The following GALNT18 variants were observed in gnomAD, a reference collection of about 807,000 sequenced individuals.
The protein encoded by GALNT18 is polypeptide N-acetylgalactosaminyltransferase 18.
In GALNT18, 44 loss-of-function variants were observed where a neutral mutation model predicts 69.5. That is an observed-to-expected ratio of 0.63 (90% confidence interval 0.50 to 0.81). The LOEUF is 0.81. GALNT18 is among the 40% of genes least tolerant of loss of function. The pLI is 0.00. For missense variants in GALNT18, 715 were observed against 810.0 expected (o/e 0.88, Z 1.42); for synonymous variants, 364 against 318.2 (o/e 1.14, Z -1.53).
chr11:11,370,405 T>G (rs1267532939), intron 6 of GALNT18, among the ~76,000 whole-genome samples: 2 of 152,088 alleles, frequency 1.3e-5, no homozygotes, highest in Non-Finnish European at 2.9e-5. Context: ...AGAAAATCTG[T>G]TTTGCTGACG....
intron 1 of GALNT18, among the ~76,000 whole-genome samples, chr11:11,593,753 AC>A (rs1190117977): frequency 6.6e-6 from 1 of 152,132 alleles, no homozygotes; most frequent in African/African-American, 2.4e-5. Context: ...ACACAGCAAG[AC>A]CCCATTTCTA....
At chr11:11,385,140 C>T (rs1311447144) in intron 3 of GALNT18, among the ~76,000 whole-genome samples, 1 of 151,928 alleles carries the variant, frequency 6.6e-6, no homozygotes, top group African/African-American at 2.4e-5. Context: ...AGTGGGGAGG[C>T]ACCAGGCTCT....
intron 6 of GALNT18, chr11:11,352,596 T>G: frequency 6.2e-7 from 1 of 1,614,172 alleles, no homozygotes; most frequent in East Asian, 2.2e-5. Context: ...CAAACCCCAG[T>G]CTATTAGTCG....
rs1859560275 is a variant in GALNT18 at position 11,598,696 on chromosome 11, T to G, written c.235+22663A>C. 6.6e-6 allele frequency among the ~76,000 whole-genome samples: 1 copy of G among 152,184 alleles called. No individual in the cohort carries two copies. The highest frequency in any genetic ancestry group is 1.5e-5 in the Non-Finnish European group (1 of 68,030). ...TGTCAACCTATCACAGCTAGGTAAT[T>G]AAGATATTTTTTCTTTTTCAATATA... On this transcript the variant is annotated intron_variant, in intron 1 of 10. Transcript: ENST00000227756. This position sits in a 1 kb window ranked among gnomAD's most constrained non-coding sequence, Gnocchi z 4.8.
At chr11:11,369,373 C>A (rs1164828771) in intron 6 of GALNT18, among the ~76,000 whole-genome samples, 1 of 152,194 alleles carries the variant, frequency 6.6e-6, no homozygotes, top group Admixed American at 6.5e-5. Flanking sequence ...TGTTCCTGAG[C>A]TTTTGACATC....
In GALNT18 at chr11:11,323,914, T is replaced by C. The variant is rs115135427; in HGVS notation, c.1512+3172A>G. Among the ~76,000 whole-genome samples the C allele has an allele frequency of 5.8e-3, 885 of 152,280 alleles. 11 individuals are homozygous for C. Among genetic ancestry groups the C allele is most frequent in the African/African-American group, 0.02 (820 of 41,560 alleles). ...TTTTTCAGAAAGAGCTTTCTCAGTTTTTTGCAACATGGATAGGCTGATAAT... is the reference window on the plus strand; with the variant it reads ...TTTTTCAGAAAGAGCTTTCTCAGTTCTTTGCAACATGGATAGGCTGATAAT... On this transcript the variant is annotated intron_variant, in intron 9 of 10. Transcript: ENST00000227756.
At chr11:11,485,864 T>G (rs1856633289) in intron 1 of GALNT18, among the ~76,000 whole-genome samples, 1 of 152,214 alleles carries the variant, frequency 6.6e-6, no homozygotes, top group Non-Finnish European at 1.5e-5. Flanking sequence ...GGCCAGCAGA[T>G]GCTTTCAGAA....
chr11:11,407,546 C>G (rs11021835), intron 3 of GALNT18, among the ~76,000 whole-genome samples: 1 of 151,970 alleles, frequency 6.6e-6, no homozygotes, highest in Non-Finnish European at 1.5e-5. Flanking sequence ...TATTCAGAAA[C>G]AGCACTGCGG....
Position 11,621,505 on chromosome 11 carries a change from C to A in GALNT18, c.89G>T (p.Gly30Val), listed in dbSNP as rs1860192669. The A allele has an allele frequency of 6.2e-7, 1 of 1,614,138 alleles. No individual in the cohort carries two copies. Among genetic ancestry groups the A allele is most frequent in the Non-Finnish European group, 8.5e-7 (1 of 1,180,030 alleles). ...GCTGGCGATGTAGTTGGTGACCCAGCCCACGTAGAGCAGGCAGATGATGTT... is the reference window on the plus strand; with the variant it reads ...GCTGGCGATGTAGTTGGTGACCCAGACCACGTAGAGCAGGCAGATGATGTT... ...MTNIICLLYV[G>V]WVTNYIASVY... The change falls in exon 1 of 11, where the codon GGC becomes GTC. Residue 30 changes from glycine (G) to valine (V), a missense_variant. Coordinates refer to ENST00000227756, the MANE Select transcript of GALNT18 (RefSeq NM_198516.3). This position sits in a 1 kb window ranked among gnomAD's most constrained non-coding sequence, Gnocchi z 9.3.
chr11:11,315,038 A>ATG lies in GALNT18; in HGVS notation c.1512+12046_1512+12047dup, dbSNP rs10537962. 0.23 allele frequency among the ~76,000 whole-genome samples: 34,412 copies of ATG among 150,080 alleles called. 4,286 individuals carry two copies. The highest frequency in any genetic ancestry group is 0.47 in the East Asian group (2,362 of 5,072). On this transcript the variant is annotated intron_variant, in intron 9 of 10. Coordinates refer to ENST00000227756, the MANE Select transcript of GALNT18 (RefSeq NM_198516.3). The surrounding 1 kb of genome is among the most constrained non-coding windows in gnomAD (Gnocchi z 5.6). ...GCAGAGATGGACACATACTAATTATATGTGTGTGTGTGTGTGTGTGTGTGT... is the reference window on the plus strand; with the variant it reads ...GCAGAGATGGACACATACTAATTATATGTGTGTGTGTGTGTGTGTGTGTGTGT...
chr11:11,286,184 G>A (rs1482577690), intron 10 of GALNT18, among the ~76,000 whole-genome samples: 1 of 152,184 alleles, frequency 6.6e-6, no homozygotes, highest in Non-Finnish European at 1.5e-5. Flanking sequence ...ATGAAATACA[G>A]TCTCAACACC....
chr11:11,509,736 A>AG (rs920104889), intron 1 of GALNT18, among the ~76,000 whole-genome samples: 1 of 152,272 alleles, frequency 6.6e-6, no homozygotes, highest in African/African-American at 2.4e-5. Context: ...CAGAGAGCAG[A>AG]GGACTGGCCA....
At chr11:11,608,461 G>A (rs1859807219) in intron 1 of GALNT18, among the ~76,000 whole-genome samples, 1 of 152,010 alleles carries the variant, frequency 6.6e-6, no homozygotes, top group Non-Finnish European at 1.5e-5. Flanking sequence ...CCAGGTTCAA[G>A]CAATTCTCCT....
At position 11,415,619 on chromosome 11, in the gene GALNT18, T is replaced by G. The variant is rs750938901; in HGVS notation, c.595+17002A>C. On this transcript the variant is annotated intron_variant, in intron 3 of 10. Transcript: ENST00000227756. The surrounding 1 kb of genome is among the most constrained non-coding windows in gnomAD (Gnocchi z 4.1). Reference sequence around the variant, plus strand: ...TGGCCACCATCTTGCAGTGAGAACTTTGGTGACTCAGCTCCTATGGTTCTC... The same window carrying G: ...TGGCCACCATCTTGCAGTGAGAACTGTGGTGACTCAGCTCCTATGGTTCTC... Among the ~76,000 whole-genome samples the G allele has an allele frequency of 6.6e-6, 1 of 152,098 alleles. No individual in the cohort carries two copies. Among genetic ancestry groups the G allele is most frequent in the Non-Finnish European group, 1.5e-5 (1 of 68,026 alleles).
At chr11:11,352,928 T>G in intron 6 of GALNT18, 1 of 1,614,196 alleles carries the variant, frequency 6.2e-7, no homozygotes, top group Non-Finnish European at 8.5e-7. Context: ...TAACAACAAC[T>G]TTTTCATTAT....
chr11:11,370,636 T>C (rs1421028803), intron 6 of GALNT18, among the ~76,000 whole-genome samples: 1 of 151,430 alleles, frequency 6.6e-6, no homozygotes, highest in East Asian at 1.9e-4. Context: ...TCAAACTCTG[T>C]ACACGAAACC....
At chr11:11,355,387 G>C (rs1337873586) in intron 6 of GALNT18, among the ~76,000 whole-genome samples, 1 of 152,062 alleles carries the variant, frequency 6.6e-6, no homozygotes, top group Non-Finnish European at 1.5e-5. Context: ...GACTATATTG[G>C]AGATGGGGCA....
At chr11:11,471,667 C>T (rs145369638) in intron 1 of GALNT18, among the ~76,000 whole-genome samples, 46 of 152,260 alleles carry the variant, frequency 3.0e-4, no homozygotes, top group Non-Finnish European at 5.6e-4. Flanking sequence ...AAATAAGAAC[C>T]CTTGTAGAAG....
At chr11:11,311,142 C>T (rs1302782242) in intron 9 of GALNT18, among the ~76,000 whole-genome samples, 1 of 152,136 alleles carries the variant, frequency 6.6e-6, no homozygotes, top group African/African-American at 2.4e-5. Flanking sequence ...ATAGGACAGT[C>T]CCACGCAGTA....
Sources: allele counts gnomAD v4.1 joint callset (sites outside exome capture counted in the v4.1 genomes callset), GRCh38; gene constraint gnomAD v4.1.1; non-coding constraint Gnocchi (gnomAD v3.1); transcripts MANE v1.5; gene names NCBI Gene and HGNC (gene_info 2026-07-23, HGNC 2026-07-21).